IQSEC1: variants seen among roughly 807,000 people sequenced by gnomAD.
IQSEC1 encodes the protein IQ motif and SEC7 domain-containing protein 1.
IQSEC1 carries 31 observed loss-of-function variants against 91.0 expected under a neutral mutation model. The observed-to-expected ratio is 0.34, with a 90% CI of 0.26 to 0.46. The LOEUF is 0.46. IQSEC1 is among the 20% of genes least tolerant of loss of function. IQSEC1 has a pLI of 1.00. For missense variants in IQSEC1, 1,388 were observed against 1,575.6 expected (o/e 0.88, Z 2.02); for synonymous variants, 699 against 662.6 (o/e 1.05, Z -0.84).
chr3:13,221,430 A>G (rs1178941997), intron 1 of IQSEC1, among the ~76,000 whole-genome samples: 1 of 152,202 alleles, frequency 6.6e-6, no homozygotes, highest in Non-Finnish European at 1.5e-5. Flanking sequence ...GGCCTCCTTC[A>G]ACCTCAAGCA....
rs890457335 is a variant in IQSEC1, at chr3:12,992,729, C to T, written c.24-50864G>A. Reference sequence around the variant, plus strand: ...TGACCAGGCAGAGCCGACTGCTGTCCTTGTGAGCCTCATCTCCTGGACAAG... The same window carrying T: ...TGACCAGGCAGAGCCGACTGCTGTCTTTGTGAGCCTCATCTCCTGGACAAG... On this transcript the variant is annotated intron_variant, in intron 1 of 13. Transcript: ENST00000613206. The surrounding 1 kb of genome is among the most constrained non-coding windows in gnomAD (Gnocchi z 4.1). 2.0e-5 allele frequency among the ~76,000 whole-genome samples: 3 copies of T among 152,192 alleles called. No individual in the cohort carries two copies. The highest frequency in any genetic ancestry group is 2.9e-5 in the Non-Finnish European group (2 of 68,028).
rs531396417 is a variant in IQSEC1 at position 13,239,690 on chromosome 3, T to C, written c.272+43021A>G. On this transcript the variant is annotated intron_variant, in intron 1 of 15. Coordinates refer to the IQSEC1 transcript ENST00000648114. Reference sequence around the variant, plus strand: ...GCCCACCCACAGGGGTTCCCAGCCGTGTGCCCACAGGCAAAACTGAGCCAC... The same window carrying C: ...GCCCACCCACAGGGGTTCCCAGCCGCGTGCCCACAGGCAAAACTGAGCCAC... 2.6e-5 allele frequency among the ~76,000 whole-genome samples: 4 copies of C among 152,354 alleles called. No homozygotes were observed. In the East Asian group the frequency reaches 7.7e-4, roughly 29 times the overall value.
rs553202843 is a variant in IQSEC1, at chr3:13,086,988, T to C, written c.303-39466A>G. On this transcript the variant is annotated intron_variant, in intron 2 of 15. Coordinates refer to the IQSEC1 transcript ENST00000648114. ...CTGGCACACAGCAGGTGCTAATAAA[T>C]GTTTGCCAACCAAACGAATGAATGA... Among the ~76,000 whole-genome samples the C allele has an allele frequency of 7.9e-5, 12 of 152,356 alleles. No homozygotes were observed. In the South Asian group the frequency reaches 2.3e-3, roughly 29 times the overall value.
intron 12 of IQSEC1, among the ~76,000 whole-genome samples, chr3:12,904,901 C>T (rs1384024420): frequency 6.6e-6 from 1 of 152,218 alleles, no homozygotes; most frequent in Non-Finnish European, 1.5e-5. Context: ...CCTCCTTACC[C>T]TGCCCAACTT....
chr3:13,053,227 C>G, intron 1 of IQSEC1: 1 of 624,824 alleles, frequency 1.6e-6, no homozygotes, highest in African/African-American at 1.8e-5. Flanking sequence ...TGCGACCCAT[C>G]CTTCCATGAG....
At chr3:12,951,784 A>T (rs1699567222) in intron 1 of IQSEC1, among the ~76,000 whole-genome samples, 1 of 152,026 alleles carries the variant, frequency 6.6e-6, no homozygotes, top group Non-Finnish European at 1.5e-5. Context: ...CCGGGTGGTG[A>T]GGAGGAGGGG....
At chr3:13,052,676 A>T (rs1433818426) in intron 1 of IQSEC1, among the ~76,000 whole-genome samples, 1 of 152,036 alleles carries the variant, frequency 6.6e-6, no homozygotes, top group African/African-American at 2.4e-5. Flanking sequence ...CGGGTGAGTG[A>T]TCCAGTTTCC....
At chr3:13,227,240 G>A (rs1694768689) in intron 1 of IQSEC1, among the ~76,000 whole-genome samples, 1 of 151,948 alleles carries the variant, frequency 6.6e-6, no homozygotes, top group Non-Finnish European at 1.5e-5. Flanking sequence ...GCTGGGCATG[G>A]TGGCGGGCGC....
intron 6 of IQSEC1, among the ~76,000 whole-genome samples, chr3:12,916,339 C>G (rs1696092024): frequency 6.6e-6 from 1 of 152,236 alleles, no homozygotes; most frequent in South Asian, 2.1e-4. Flanking sequence ...TGCTGGCCCA[C>G]ATCACATGGG....
chr3:13,031,201 C>A (rs1231807950), intron 1 of IQSEC1, among the ~76,000 whole-genome samples: 1 of 152,236 alleles, frequency 6.6e-6, no homozygotes, highest in Non-Finnish European at 1.5e-5. Context: ...CCTGGACCCA[C>A]CTTTCTGGGA....
chr3:13,024,010 G>A (rs953660453), intron 1 of IQSEC1, among the ~76,000 whole-genome samples: 1 of 152,138 alleles, frequency 6.6e-6, no homozygotes, highest in Non-Finnish European at 1.5e-5. Context: ...GAACCCCACT[G>A]ACCTAAGGAA....
At chr3:13,069,655 C>A (rs545581437) in intron 1 of IQSEC1, among the ~76,000 whole-genome samples, 44 of 152,330 alleles carry the variant, frequency 2.9e-4, no homozygotes, top group African/African-American at 9.9e-4. Flanking sequence ...GCTCCACTGG[C>A]CTGGCCAAGC....
intron 1 of IQSEC1, among the ~76,000 whole-genome samples, chr3:13,269,269 G>C (rs1316337052): frequency 6.6e-6 from 1 of 152,208 alleles, no homozygotes; most frequent in East Asian, 1.9e-4. Flanking sequence ...GGTGTCCTTA[G>C]TGCTCAGGGA....
chr3:12,981,747 C>A (rs1032564755), intron 1 of IQSEC1, among the ~76,000 whole-genome samples: 1 of 152,176 alleles, frequency 6.6e-6, no homozygotes, highest in Non-Finnish European at 1.5e-5. Context: ...AAAGGACACC[C>A]GGAAGAGCTA....
intron 1 of IQSEC1, among the ~76,000 whole-genome samples, chr3:12,993,981 C>A (rs900289135): frequency 9.2e-5 from 14 of 151,564 alleles, no homozygotes; most frequent in African/African-American, 2.7e-4. Flanking sequence ...GCCCAGGCCG[C>A]CCCGCGGAGG....
At chr3:13,100,922 G>A (rs1706046719) in intron 2 of IQSEC1, among the ~76,000 whole-genome samples, 1 of 148,476 alleles carries the variant, frequency 6.7e-6, no homozygotes, top group Non-Finnish European at 1.5e-5. Flanking sequence ...GGCCAGGGAG[G>A]GCCTCCCCGA....
chr3:12,954,413 G>A (rs888912352), intron 1 of IQSEC1, among the ~76,000 whole-genome samples: 5 of 152,326 alleles, frequency 3.3e-5, no homozygotes, highest in Admixed American at 3.3e-4. Flanking sequence ...CAATGGCAGT[G>A]TGGAGCCCAG....
chr3:12,971,645 C>T lies in IQSEC1; in HGVS notation c.24-29780G>A, dbSNP rs557934086. Among the ~76,000 whole-genome samples, 12 of 152,332 alleles carry T rather than the reference C, an allele frequency of 7.9e-5. 1 individual carries two copies. The South Asian group carries it at 2.5e-3, about 32-fold the overall frequency. ...GTATGCTTATATAAGATTGTATAAT[C>T]ATAGATTACTTCTTAAAAGAGACCC... On this transcript the variant is annotated intron_variant, in intron 1 of 13. Coordinates refer to ENST00000613206, the MANE Select transcript of IQSEC1 (RefSeq NM_001134382.3).
chr3:13,176,046 A>G (rs532809513), intron 1 of IQSEC1, among the ~76,000 whole-genome samples: 57 of 152,308 alleles, frequency 3.7e-4, no homozygotes, highest in Admixed American at 2.7e-3. Context: ...GTCATGATAG[A>G]CATTGCCATT....
Sources: gnomAD v4.1 joint callset for allele counts (sites outside exome capture counted in the v4.1 genomes callset) on GRCh38, gnomAD v4.1.1 for gene constraint, Gnocchi (gnomAD v3.1) non-coding constraint, MANE v1.5 for transcripts, NCBI Gene and HGNC (gene_info 2026-07-23, HGNC 2026-07-21) for gene names.